Variants in MYO18A observed in about 807,000 individuals in gnomAD.
The protein encoded by MYO18A is myosin XVIIIA.
A neutral mutation model predicts 235.8 loss-of-function variants in MYO18A; 78 were observed. The ratio of observed to expected loss-of-function variants is 0.33; its 90% CI spans 0.28 to 0.40. The LOEUF (loss-of-function observed/expected upper bound fraction) is 0.40. Among genes scored for constraint, MYO18A ranks in the 10% least tolerant of loss-of-function variants. The pLI is 1.00. For synonymous variants in MYO18A, 977 were observed against 1,077.8 expected (o/e 0.91, Z 1.83); for missense variants, 2,215 against 2,699.3 (o/e 0.82, Z 3.98).
rs1393693130 is a variant in MYO18A, at chr17:29,121,537, G to T, written c.1371+10C>A. 10 of 1,592,198 alleles carry T rather than the reference G, an allele frequency of 6.3e-6. No homozygotes were observed. Among genetic ancestry groups the T allele is most frequent in the Non-Finnish European group, 6.8e-6 (8 of 1,169,360 alleles). ...CAGGAGTCTGCAGGGTAGCCTTGAG[G>T]GTGCTGCACCTTCTCAGAGTACACA... On this transcript the variant is annotated intron_variant, in intron 5 of 41. Coordinates refer to ENST00000527372, the MANE Select transcript of MYO18A (RefSeq NM_078471.4). This position sits in a 1 kb window ranked among gnomAD's most constrained non-coding sequence, Gnocchi z 4.2.
At chr17:29,108,733 T>C (rs2066853925) in intron 19 of MYO18A, among the ~76,000 whole-genome samples, 2 of 152,112 alleles carry the variant, frequency 1.3e-5, no homozygotes, top group South Asian at 4.1e-4. Flanking sequence ...GAGCTATTGA[T>C]TGTATCTGAA....
chr17:29,080,716 TTCTGCGGCCCCCGGCC>T, intron 41 of MYO18A: 3 of 985,518 alleles, frequency 3.0e-6, no homozygotes, highest in Non-Finnish European at 3.6e-6. Context: ...GCCCCACCGC[TTCTGCGGCCCCCGGCC>T]AGCGCGCCCC....
Position 29,072,224 on chromosome 17 carries a change from T to A in MYO18A, c.*2546A>T, listed in dbSNP as rs1598247455. 1 of 92,774 alleles carries A rather than the reference T, an allele frequency of 1.1e-5. No individual in the cohort carries two copies. The highest frequency in any genetic ancestry group is 3.9e-4 in the East Asian group (1 of 2,562). 5.7% of individuals were successfully genotyped at this position (92,774 alleles called of 1,614,324 possible). A position where few individuals can be genotyped will look rare whatever the true frequency, so the allele number is the denominator to read the frequency against. On this transcript the variant is annotated 3_prime_UTR_variant, in exon 42 of 42. Transcript: ENST00000527372. The stretch of plus-strand genomic sequence containing the variant: ...AGCCTTTTTTTTTTTTTTTTTTTTT[T>A]TGTAAAAAAAAGTAACTTAGGCCAG...
At chr17:29,152,911 C>G (rs139755087) in intron 2 of MYO18A, among the ~76,000 whole-genome samples, 2,393 of 152,006 alleles carry the variant, frequency 0.016, 77 homozygotes, top group African/African-American at 0.054. Flanking sequence ...TACAAAGTAG[C>G]ACTATCTTTC....
At chr17:29,163,364 C>G (rs1172710578) in intron 2 of MYO18A, among the ~76,000 whole-genome samples, 4 of 152,190 alleles carry the variant, frequency 2.6e-5, no homozygotes, top group African/African-American at 9.7e-5. Context: ...GTATGAGTCC[C>G]CACCACCTAC....
At chr17:29,084,472 A>C (rs1426764460) in intron 40 of MYO18A, among the ~76,000 whole-genome samples, 48 of 152,344 alleles carry the variant, frequency 3.2e-4, no homozygotes, top group Admixed American at 3.1e-3. Flanking sequence ...GCCCGTAAAC[A>C]AACTCCAGGG....
rs2067304456 is a variant in MYO18A at position 29,125,718 on chromosome 17, C to T, written c.1000-3465G>A. On this transcript the variant is annotated intron_variant, in intron 2 of 41. Coordinates refer to ENST00000527372, the MANE Select transcript of MYO18A (RefSeq NM_078471.4). This position sits in a 1 kb window ranked among gnomAD's most constrained non-coding sequence, Gnocchi z 5.1. Reference sequence around the variant, plus strand: ...GACTTTGGGCTCTCTGGAGGAACCACTCTCCCCAGAGCACTTCTCTCATTT... The same window carrying T: ...GACTTTGGGCTCTCTGGAGGAACCATTCTCCCCAGAGCACTTCTCTCATTT... Among the ~76,000 whole-genome samples, 1 of 152,234 alleles carries T rather than the reference C, an allele frequency of 6.6e-6. No homozygotes were observed. The highest frequency in any genetic ancestry group is 2.1e-4 in the South Asian group (1 of 4,834).
At chr17:29,103,469 G>A (rs1271452952) in intron 21 of MYO18A, 130 bp downstream of exon 21, 3 of 898,174 alleles carry the variant, frequency 3.3e-6, no homozygotes, top group Admixed American at 2.1e-5. Context: ...GGTGGAGCTG[G>A]GGGCAAGACT....
chr17:29,095,109 C>G (rs1231899643), intron 28 of MYO18A, 50 bp from the exon 29 acceptor site: 3 of 1,484,886 alleles, frequency 2.0e-6, no homozygotes, highest in Non-Finnish European at 2.7e-6. Context: ...CCAGGGTCCC[C>G]CACACAGACA....
chr17:29,093,472 T>C (rs1370274865), intron 31 of MYO18A, 45 bp from the exon 32 acceptor site: 1 of 1,487,946 alleles, frequency 6.7e-7, no homozygotes, highest in Non-Finnish European at 9.2e-7. Context: ...CTTTAGTGCC[T>C]GGTGCGAAGC....
At position 29,157,237 on chromosome 17, in the gene MYO18A, C is replaced by T. The variant is rs190642638; in HGVS notation, c.999+8705G>A. 5.6e-3 allele frequency among the ~76,000 whole-genome samples: 850 copies of T among 152,326 alleles called. 6 individuals carry two copies. Among genetic ancestry groups the T allele is most frequent in the South Asian group, 0.02 (95 of 4,828 alleles). On this transcript the variant is annotated intron_variant, in intron 2 of 41. Transcript: ENST00000527372. ...GTCCCTCTTCCACCCTTCCCTCTCC[C>T]GGCTCCCACAAGATTGAATCCTGCC...
rs770976737 is a variant in MYO18A at position 29,096,930 on chromosome 17, G to A, written c.4231-15C>T. The A allele has an allele frequency of 9.0e-6, 14 of 1,549,442 alleles. No individual in the cohort carries two copies. In the South Asian group the frequency reaches 1.6e-4, roughly 17 times the overall value. ...AGGTCCCCGAGCTAGGGGCCAAGAT[G>A]GGGTGCATATACAGAGAGACCCAGA... On this transcript the variant is annotated splice_polypyrimidine_tract_variant and intron_variant, in intron 27 of 41. Transcript: ENST00000527372.
Position 29,118,129 on chromosome 17 carries a change from G to A in MYO18A, c.1954C>T (p.Leu652=). Residue 652 remains leucine (L), a synonymous_variant, in exon 10 of 42, where the codon CTG becomes TTG. Coordinates refer to ENST00000527372, the MANE Select transcript of MYO18A (RefSeq NM_078471.4). This position sits in a 1 kb window ranked among gnomAD's most constrained non-coding sequence, Gnocchi z 4.2. The stretch of plus-strand genomic sequence containing the variant: ...TTCTGTTCATCGGGGGAGATGCCCA[G>A]CACCTTCATGGCCGCCTGCAGCTTA... ...FSKLQAAMKV[L]GISPDEQKAC... is the part of the protein sequence containing the mutation. 2 of 1,596,268 alleles carry A rather than the reference G, an allele frequency of 1.3e-6. No homozygotes were observed. The highest frequency in any genetic ancestry group is 1.7e-6 in the Non-Finnish European group (2 of 1,170,882).
rs979839842 is a variant in MYO18A at position 29,158,108 on chromosome 17, C to G, written c.999+7834G>C. Among the ~76,000 whole-genome samples the G allele has an allele frequency of 6.6e-6, 1 of 152,236 alleles. No individual in the cohort carries two copies. Among genetic ancestry groups the G allele is most frequent in the South Asian group, 2.1e-4 (1 of 4,822 alleles). The stretch of plus-strand genomic sequence containing the variant: ...TGTGCCCTGCCTTGGCTGAGTCTTA[C>G]CCAGATCAATTAAACACCACCTAGG... On this transcript the variant is annotated intron_variant, in intron 2 of 41. Transcript: ENST00000527372. The surrounding 1 kb of genome is among the most constrained non-coding windows in gnomAD (Gnocchi z 4.3).
rs1049467777 is a variant in MYO18A, at chr17:29,073,723, G to A, written c.*1047C>T. On this transcript the variant is annotated 3_prime_UTR_variant, in exon 42 of 42. Coordinates refer to ENST00000527372, the MANE Select transcript of MYO18A (RefSeq NM_078471.4). ...TGGGACCTCCAGACCACATGGTGTT[G>A]TGTCTGGGATAAGTGTGTGGGGGCA... 4.4e-5 allele frequency: 42 copies of A among 945,614 alleles called. No individual in the cohort carries two copies. The highest frequency in any genetic ancestry group is 6.4e-5 in the Non-Finnish European group (40 of 626,572). 58.6% of individuals were successfully genotyped at this position (945,614 alleles called of 1,614,324 possible).
chr17:29,127,401 AT>A (rs1734923270), intron 2 of MYO18A, among the ~76,000 whole-genome samples: 1 of 152,220 alleles, frequency 6.6e-6, no homozygotes. Context: ...GACCTGTATT[AT>A]CCCCACTCAA....
chr17:29,176,041 G>C (rs983668355), intron 1 of MYO18A, among the ~76,000 whole-genome samples: 1 of 152,204 alleles, frequency 6.6e-6, no homozygotes, highest in Non-Finnish European at 1.5e-5. Context: ...CTGGGTGACA[G>C]AGCGAGACTC....
In MYO18A at chr17:29,109,907, G is replaced by C. The variant is rs752070404; in HGVS notation, c.3282C>G (p.Thr1094=). The change falls in exon 19 of 42, where the codon ACC becomes ACG. Residue 1094 remains threonine, a synonymous_variant. Coordinates refer to ENST00000527372, the MANE Select transcript of MYO18A (RefSeq NM_078471.4). The surrounding 1 kb of genome is among the most constrained non-coding windows in gnomAD (Gnocchi z 4.1). ...LLQLDVPLLR[T]QLRGSRLLDA... is the part of the protein sequence containing the mutation. The stretch of plus-strand genomic sequence containing the variant: ...CGAGCAGGCGGGAGCCGCGGAGCTG[G>C]GTGCGGAGCAGGGGCACGTCGAGCT... 4 of 1,585,126 alleles carry C rather than the reference G, an allele frequency of 2.5e-6. No individual in the cohort carries two copies. The highest frequency in any genetic ancestry group is 2.3e-5 in the South Asian group (2 of 87,164).
intron 2 of MYO18A, among the ~76,000 whole-genome samples, chr17:29,145,926 A>G (rs547812909): frequency 6.6e-6 from 1 of 152,332 alleles, no homozygotes; most frequent in South Asian, 2.1e-4. Flanking sequence ...ATGAGGTAGG[A>G]AGGGAATTCC....
Sources: gnomAD v4.1 joint callset for allele counts (sites outside exome capture counted in the v4.1 genomes callset) on GRCh38, gnomAD v4.1.1 for gene constraint, Gnocchi (gnomAD v3.1) non-coding constraint, MANE v1.5 for transcripts, NCBI Gene and HGNC (gene_info 2026-07-23, HGNC 2026-07-21) for gene names.